LUZP1: variants seen among roughly 807,000 people sequenced by gnomAD.
LUZP1 encodes filamin mechanobinding actin cross-linking protein.
LUZP1 carries 25 observed loss-of-function variants against 71.3 expected under a neutral mutation model. That is an observed-to-expected ratio of 0.35 (90% CI 0.26 to 0.49). LUZP1 has a LOEUF of 0.49. LUZP1 is among the 20% of genes least tolerant of loss of function. LUZP1 has a pLI of 0.99. For synonymous variants in LUZP1, 481 were observed against 506.4 expected (o/e 0.95, Z 0.67); for missense variants, 1,142 against 1,300.8 (o/e 0.88, Z 1.88).
intron 1 of LUZP1, among the ~76,000 whole-genome samples, chr1:23,177,061 C>T (rs1644586397): frequency 7.6e-6 from 1 of 130,916 alleles, no homozygotes; most frequent in African/African-American, 3.1e-5. Flanking sequence ...TTTAAATTTT[C>T]TGTAAGGATG....
chr1:23,164,102 G>A (rs1028726497), intron 2 of LUZP1: 5 of 152,042 alleles, frequency 3.3e-5, no homozygotes, highest in Non-Finnish European at 7.4e-5. Flanking sequence ...GGTATACGGA[G>A]GACCAATGGT....
intron 2 of LUZP1, among the ~76,000 whole-genome samples, chr1:23,149,939 T>G (rs1644371197): frequency 8.6e-6 from 1 of 116,618 alleles, no homozygotes; most frequent in Non-Finnish European, 1.6e-5. Flanking sequence ...TCCAGCCTGG[T>G]GACGGAGCCA....
intron 3 of LUZP1, among the ~76,000 whole-genome samples, chr1:23,100,893 A>G (rs1643926292): frequency 6.6e-6 from 1 of 152,218 alleles, no homozygotes; most frequent in African/African-American, 2.4e-5. Flanking sequence ...AAACAAGGAA[A>G]CGGACTCAGA....
Position 23,105,750 on chromosome 1 carries a change from A to T in LUZP1, c.-120+3272T>A, listed in dbSNP as rs536282400. 3.9e-5 allele frequency among the ~76,000 whole-genome samples: 6 copies of T among 152,320 alleles called. No individual in the cohort carries two copies. In the East Asian group the frequency reaches 1.2e-3, roughly 29 times the overall value. On this transcript the variant is annotated intron_variant, in intron 3 of 4. Coordinates refer to ENST00000302291, the Ensembl canonical transcript of LUZP1. Reference sequence around the variant, plus strand: ...CTTTTCTATATCTTCATCCAAATTGATGTTCAAAAACAAAATATAACCAAA... The same window carrying T: ...CTTTTCTATATCTTCATCCAAATTGTTGTTCAAAAACAAAATATAACCAAA...
chr1:23,143,298 T>C (rs965422792), intron 2 of LUZP1, among the ~76,000 whole-genome samples: 3 of 152,208 alleles, frequency 2.0e-5, no homozygotes, highest in African/African-American at 7.2e-5. Flanking sequence ...TGAGCCACCG[T>C]ACCTGGTCGA....
chr1:23,175,253 C>T (rs568710430), intron 1 of LUZP1, among the ~76,000 whole-genome samples: 2 of 152,294 alleles, frequency 1.3e-5, no homozygotes, highest in Admixed American at 1.3e-4. Flanking sequence ...GCTATGCACT[C>T]AGGCAGCCAT....
rs1455691548 is a variant in LUZP1, at chr1:23,093,430, C to T, written c.832G>A (p.Glu278Lys). 2 of 1,613,378 alleles carry T rather than the reference C, an allele frequency of 1.2e-6. No homozygotes were observed. The stretch of plus-strand genomic sequence containing the variant: ...TTGTCTTCCTGATTGCGGTTCTTTT[C>T]ATTTTCTGATTTGTTTCTTGTTTCA... Residue 278 changes from glutamate (E) to lysine (K), a missense_variant, in exon 4 of 5, where the codon GAA (glutamate) becomes AAA (lysine). By Grantham distance (56) the Glu-to-Lys change is moderately conservative. Coordinates refer to ENST00000302291, the Ensembl canonical transcript of LUZP1. This position sits in a 1 kb window ranked among gnomAD's most constrained non-coding sequence, Gnocchi z 4.2.
chr1:23,152,166 A>T (rs980958117), intron 2 of LUZP1, among the ~76,000 whole-genome samples: 2 of 152,080 alleles, frequency 1.3e-5, no homozygotes, highest in African/African-American at 4.8e-5. Flanking sequence ...AAATTATGTT[A>T]AAAAAATCAT....
chr1:23,092,921 C>G (rs759384704), exon 4 of LUZP1: 4 of 1,613,822 alleles, frequency 2.5e-6, no homozygotes, highest in African/African-American at 1.3e-5. Context: ...TTTTCTTTGT[C>G]TCCTGAGTCC....
chr1:23,093,247 G>C lies in LUZP1; in HGVS notation c.1015C>G (p.Gln339Glu). 1 of 1,613,572 alleles carries C rather than the reference G, an allele frequency of 6.2e-7. No individual in the cohort carries two copies. Among genetic ancestry groups the C allele is most frequent in the Non-Finnish European group, 8.5e-7 (1 of 1,179,906 alleles). ...ATTTGTAGCTTTATCTCCTCCAGTT[G>C]GCTGGCTAATAATTTGTTTTTATTT... Residue 339 changes from glutamine (Q) to glutamate (E), a missense_variant, in exon 4 of 5, where the codon CAA becomes GAA. Physicochemically the swap from Gln to Glu is conservative, Grantham distance 29. Coordinates refer to ENST00000302291, the Ensembl canonical transcript of LUZP1. This position sits in a 1 kb window ranked among gnomAD's most constrained non-coding sequence, Gnocchi z 4.2.
chr1:23,136,295 AACACACAC>A (rs10578041), intron 2 of LUZP1, among the ~76,000 whole-genome samples: 2,257 of 130,222 alleles, frequency 0.017, 21 homozygotes, highest in South Asian at 0.032. Context: ...TTCCGTCTTA[AACACACAC>A]ACACACACAC....
chr1:23,137,805 A>G (rs934509972), intron 2 of LUZP1, among the ~76,000 whole-genome samples: 2 of 152,224 alleles, frequency 1.3e-5, no homozygotes, highest in Non-Finnish European at 2.9e-5. Context: ...AGTTTGTCAA[A>G]AAGTTAAACA....
intron 2 of LUZP1, among the ~76,000 whole-genome samples, chr1:23,124,007 A>C (rs1192331686): frequency 6.6e-6 from 1 of 152,200 alleles, no homozygotes; most frequent in African/African-American, 2.4e-5. Flanking sequence ...ACTGAAGAAA[A>C]AGAAAACAAA....
intron 1 of LUZP1, among the ~76,000 whole-genome samples, chr1:23,172,860 G>A (rs1169449562): frequency 6.6e-6 from 1 of 151,374 alleles, no homozygotes; most frequent in African/African-American, 2.4e-5. Context: ...TTGAGACAGA[G>A]TCTCGCTCTG....
chr1:23,139,150 T>C (rs1275954679), intron 2 of LUZP1, among the ~76,000 whole-genome samples: 1 of 148,650 alleles, frequency 6.7e-6, no homozygotes, highest in Admixed American at 6.8e-5. Context: ...CACCAAAGCG[T>C]ACTTCCCACT....
chr1:23,086,606 G>C (rs1022772831), exon 5 of LUZP1: 1 of 152,648 alleles, frequency 6.6e-6, no homozygotes, highest in African/African-American at 2.4e-5. Flanking sequence ...CAGCAGAGAA[G>C]AGCCACAGAC....
At chr1:23,088,112 A>G (rs1171253079) in exon 5 of LUZP1, 3 of 152,724 alleles carry the variant, frequency 2.0e-5, no homozygotes, top group Non-Finnish European at 2.9e-5. Flanking sequence ...CTGGAGAGAA[A>G]GCAGGCGATG....
At chr1:23,104,218 C>A (rs985997756) in intron 3 of LUZP1, among the ~76,000 whole-genome samples, 1 of 150,264 alleles carries the variant, frequency 6.7e-6, no homozygotes, top group African/African-American at 2.4e-5. Flanking sequence ...CTCGTTCCAT[C>A]GTCCAGGTTG....
intron 1 of LUZP1, among the ~76,000 whole-genome samples, chr1:23,175,366 T>C (rs191509919): frequency 1.1e-4 from 17 of 152,342 alleles, no homozygotes; most frequent in African/African-American, 3.1e-4. Flanking sequence ...GTAAGCTAAG[T>C]GCTTTGTAAA....
Sources: allele counts gnomAD v4.1 joint callset (sites outside exome capture counted in the v4.1 genomes callset), GRCh38; gene constraint gnomAD v4.1.1; non-coding constraint Gnocchi (gnomAD v3.1); transcripts MANE v1.5; gene names NCBI Gene and HGNC (gene_info 2026-07-23, HGNC 2026-07-21).